Variants in GPSM1 observed in about 807,000 individuals in gnomAD.
GPSM1 encodes G protein-signaling modulator 1.
Under a neutral mutation model 70.5 loss-of-function variants are expected in GPSM1, and 48 were observed. That is an observed-to-expected ratio of 0.68 (90% CI 0.54 to 0.87). The LOEUF (loss-of-function observed/expected upper bound fraction) is 0.87. Ranked by LOEUF, GPSM1 falls within the 40% of genes least tolerant of loss-of-function variation. GPSM1 has a pLI of 0.00. For missense variants in GPSM1, 981 were observed against 972.6 expected (o/e 1.01, Z -0.11); for synonymous variants, 416 against 430.1 (o/e 0.97, Z 0.41).
In GPSM1 at chr9:136,342,612, G is replaced by A. The variant is rs1401582346; in HGVS notation, c.1207+1619G>A. Among the ~76,000 whole-genome samples, 1 of 152,182 alleles carries A rather than the reference G, an allele frequency of 6.6e-6. No homozygotes were observed. Among genetic ancestry groups the A allele is most frequent in the East Asian group, 1.9e-4 (1 of 5,172 alleles). Reference sequence around the variant, plus strand: ...ACCTAGAGCCTGGGCGGCCCTGGGTGAGACCCCGGCTCAGCTGAGCCTGGC... The same window carrying A: ...ACCTAGAGCCTGGGCGGCCCTGGGTAAGACCCCGGCTCAGCTGAGCCTGGC... On this transcript the variant is annotated intron_variant, in intron 9 of 13. Transcript: ENST00000440944. This position sits in a 1 kb window ranked among gnomAD's most constrained non-coding sequence, Gnocchi z 5.5.
In GPSM1 at chr9:136,334,758, G is replaced by A. The variant is rs561235572; in HGVS notation, c.290+90G>A. 5.3e-4 allele frequency: 548 copies of A among 1,040,052 alleles called. 3 individuals are homozygous for A. In the African/African-American group the frequency reaches 7.7e-3, roughly 15 times the overall value. 64.4% of individuals were successfully genotyped at this position (1,040,052 alleles called of 1,614,324 possible). On this transcript the variant is annotated intron_variant, in intron 2 of 13. Transcript: ENST00000440944. ...GGCCCTGCTGGTGGGTGAGTGGGGCGGCCCTGCTGGCGCGGTGAGTGGGGA... is the reference window on the plus strand; with the variant it reads ...GGCCCTGCTGGTGGGTGAGTGGGGCAGCCCTGCTGGCGCGGTGAGTGGGGA...
Position 136,356,414 on chromosome 9 carries a change from G to A in GPSM1, c.1685G>A (p.Arg562Gln), listed in dbSNP as rs782372939. 1.2e-5 allele frequency: 19 copies of A among 1,610,088 alleles called. No individual in the cohort carries two copies. Among genetic ancestry groups the A allele is most frequent in the Admixed American group, 5.0e-5 (3 of 59,796 alleles). ...CTCATCGCCAGCTCCCAGAGCCGCC[G>A]GCTGGACGACCAGCGGGCCAGCGTG... The part of the protein sequence containing the change: ...FDLIASSQSR[R>Q]LDDQRASVGS... Residue 562 changes from arginine (R) to glutamine (Q), a missense_variant, in exon 13 of 14, where the codon CGG becomes CAG. Physicochemically the swap from Arg to Gln is conservative, Grantham distance 43 (BLOSUM62 1). Coordinates refer to ENST00000440944, the MANE Select transcript of GPSM1 (RefSeq NM_001145638.3).
In GPSM1 at chr9:136,358,741, G is replaced by A. The variant is rs962131601; in HGVS notation, c.*521G>A. On this transcript the variant is annotated 3_prime_UTR_variant, in exon 14 of 14. Transcript: ENST00000440944. ...CTCCAAGCCTGTCTCCCCACTCCCC[G>A]GCCAGAGGTCAGCAACCACAGAAGG... The A allele has an allele frequency of 2.3e-5, 4 of 177,588 alleles. No individual in the cohort carries two copies. The highest frequency in any genetic ancestry group is 3.5e-5 in the Non-Finnish European group (3 of 85,892). 11.0% of individuals were successfully genotyped at this position (177,588 alleles called of 1,614,324 possible).
chr9:136,356,775 C>T (rs1393984208), intron 13 of GPSM1, among the ~76,000 whole-genome samples: 1 of 152,176 alleles, frequency 6.6e-6, no homozygotes, highest in Admixed American at 6.5e-5. Flanking sequence ...CAGAGACCCC[C>T]CCTGGCAACC....
chr9:136,337,825 G>A, intron 5 of GPSM1, 21 bp from the exon 6 acceptor site: 2 of 1,571,550 alleles, frequency 1.3e-6, no homozygotes, highest in Non-Finnish European at 1.7e-6. Flanking sequence ...TGACCACCTG[G>A]CCTCCGGTGT....
At chr9:136,327,786 C>A (rs1322265342) in intron 1 of GPSM1, 23 bp downstream of exon 1, 7 of 1,050,742 alleles carry the variant, frequency 6.7e-6, no homozygotes, top group African/African-American at 5.0e-5. Flanking sequence ...GGGGCCGGGG[C>A]CGGGGCCGGG....
chr9:136,356,741 G>A (rs901998474), intron 13 of GPSM1, among the ~76,000 whole-genome samples, 191 bp downstream of exon 13: 1 of 152,126 alleles, frequency 6.6e-6, no homozygotes, highest in Non-Finnish European at 1.5e-5. Context: ...CCTACTCCTG[G>A]GAACCCCGGG....
At chr9:136,334,835 ACGGCCCTGCTGGAGCAGTGAGTGGGG>A (rs1832193792) in intron 2 of GPSM1, among the ~76,000 whole-genome samples, 167 bp downstream of exon 2, 1 of 139,962 alleles carries the variant, frequency 7.1e-6, no homozygotes, top group African/African-American at 2.7e-5. Context: ...GTGAGTGGGG[ACGGCCCTGCTGGAGCAGTGAGTGGGG>A]CGGCCCTGCT....
In GPSM1 at chr9:136,336,010, TG is replaced by T. The variant is rs782522157; in HGVS notation, c.338del (p.Gly113GlufsTer21). On this transcript the variant is annotated frameshift_variant, in exon 3 of 14. Coordinates refer to ENST00000440944, the MANE Select transcript of GPSM1 (RefSeq NM_001145638.3). LOFTEE classifies it high-confidence loss of function. ...RMGEAKASGN[L>X]GNTLKVLGRF... The stretch of plus-strand genomic sequence containing the variant: ...GGGGAGGCCAAGGCCAGTGGAAACC[TG>T]GGAAACACACTCAAGGTCCTGGGGC... 6.2e-7 allele frequency: 1 copy of T among 1,612,582 alleles called. No individual in the cohort carries two copies. Among genetic ancestry groups the T allele is most frequent in the South Asian group, 1.1e-5 (1 of 91,048 alleles).
intron 11 of GPSM1, among the ~76,000 whole-genome samples, chr9:136,354,284 C>G (rs797029201): frequency 2.6e-5 from 4 of 152,352 alleles, no homozygotes; most frequent in African/African-American, 9.6e-5. Context: ...GCCCCACTCT[C>G]CTGTGCCCTG....
rs1009640550 is a variant in GPSM1, at chr9:136,342,570, T to C, written c.1207+1577T>C. Among the ~76,000 whole-genome samples, 2 of 151,736 alleles carry C rather than the reference T, an allele frequency of 1.3e-5. No individual in the cohort carries two copies. The highest frequency in any genetic ancestry group is 2.9e-5 in the Non-Finnish European group (2 of 67,880). On this transcript the variant is annotated intron_variant, in intron 9 of 13. Transcript: ENST00000440944. This position sits in a 1 kb window ranked among gnomAD's most constrained non-coding sequence, Gnocchi z 5.5. ...TGGGGCCGCCGCCCGGCTGCCGCTG[T>C]GGGAGGCAGGCTGCACACCTAGAGC...
chr9:136,356,624 T>A, intron 13 of GPSM1, 74 bp downstream of exon 13: 1 of 1,109,870 alleles, frequency 9.0e-7, no homozygotes, highest in Non-Finnish European at 1.3e-6. Flanking sequence ...ACTTGTGTCC[T>A]GAGGGGTGAG....
rs550610675 is a variant in GPSM1 at position 136,351,247 on chromosome 9, C to T, written c.1455+1484C>T. Among the ~76,000 whole-genome samples the T allele has an allele frequency of 4.7e-3, 711 of 152,250 alleles. 8 individuals are homozygous for T. Among genetic ancestry groups the T allele is most frequent in the African/African-American group, 0.016 (665 of 41,556 alleles). ...CCCAACCATCTGGGCTAGGTCCATC[C>T]GTCCACTGATGGGAGAGGTGTGGAG... On this transcript the variant is annotated intron_variant, in intron 11 of 13. Coordinates refer to ENST00000440944, the MANE Select transcript of GPSM1 (RefSeq NM_001145638.3).
rs1300773428 is a variant in GPSM1, at chr9:136,340,442, C to G, written c.1084-428C>G. The stretch of plus-strand genomic sequence containing the variant: ...GGCTCCATGTGGCCCTCCCCCCAAC[C>G]CCATGCCACCTCTCTTCTGCTTGAC... On this transcript the variant is annotated intron_variant, in intron 8 of 13. Transcript: ENST00000440944. This position sits in a 1 kb window ranked among gnomAD's most constrained non-coding sequence, Gnocchi z 7.3. Among the ~76,000 whole-genome samples the G allele has an allele frequency of 2.0e-5, 3 of 151,976 alleles. No individual in the cohort carries two copies. Among genetic ancestry groups the G allele is most frequent in the Non-Finnish European group, 4.4e-5 (3 of 67,978 alleles).
rs1554769341 is a variant in GPSM1 at position 136,336,966 on chromosome 9, G to A, written c.472G>A (p.Ala158Thr). The A allele has an allele frequency of 1.5e-5, 23 of 1,557,204 alleles. No individual in the cohort carries two copies. Among genetic ancestry groups the A allele is most frequent in the Middle Eastern group, 1.7e-4 (1 of 5,998 alleles). ...ALYNIGNVYH[A>T]KGKQLSWNAA... ...CTACAACATCGGGAACGTGTACCAC[G>A]CCAAAGGCAAGCAACTGTCCTGGAA... Residue 158 changes from alanine to threonine, a missense_variant, in exon 4 of 14, where the codon GCC (alanine) becomes ACC (threonine). By Grantham distance (58) the Ala-to-Thr change is moderately conservative. Coordinates refer to ENST00000440944, the MANE Select transcript of GPSM1 (RefSeq NM_001145638.3).
At position 136,343,432 on chromosome 9, in the gene GPSM1, G is replaced by A. The variant is rs1039424458; in HGVS notation, c.1207+2439G>A. ...TGCCTGTCCCACAGGATGTGCGACTGCCCTCGGCCCTGCTGACCGTACTTC... is the reference window on the plus strand; with the variant it reads ...TGCCTGTCCCACAGGATGTGCGACTACCCTCGGCCCTGCTGACCGTACTTC... On this transcript the variant is annotated intron_variant, in intron 9 of 13. Transcript: ENST00000440944. This position sits in a 1 kb window ranked among gnomAD's most constrained non-coding sequence, Gnocchi z 6.0. 6.6e-6 allele frequency among the ~76,000 whole-genome samples: 1 copy of A among 152,250 alleles called. No homozygotes were observed. The highest frequency in any genetic ancestry group is 1.5e-5 in the Non-Finnish European group (1 of 68,042).
In GPSM1 at chr9:136,348,772, G is replaced by C. The variant is rs782679160; in HGVS notation, c.1278+5G>C. The C allele has an allele frequency of 6.2e-7, 1 of 1,607,150 alleles. No individual in the cohort carries two copies. The highest frequency in any genetic ancestry group is 8.5e-7 in the Non-Finnish European group (1 of 1,175,248). ...CTGAGACTCCCCCTGGAGCGGGTGA[G>C]CCAGGGACACGGGACCGATGTCAGC... On this transcript the variant is annotated splice_donor_5th_base_variant and intron_variant, in intron 10 of 13. Coordinates refer to ENST00000440944, the MANE Select transcript of GPSM1 (RefSeq NM_001145638.3).
chr9:136,357,457 G>A (rs1407675952), intron 13 of GPSM1, among the ~76,000 whole-genome samples: 2 of 152,192 alleles, frequency 1.3e-5, no homozygotes, highest in African/African-American at 2.4e-5. Context: ...CCTGCTCCAG[G>A]CGCTTCAGAG....
intron 7 of GPSM1, 142 bp from the exon 8 acceptor site, chr9:136,339,565 C>T (rs968541069): frequency 5.5e-5 from 34 of 616,052 alleles, no homozygotes; most frequent in East Asian, 8.3e-5. Context: ...TCCTGTCATC[C>T]GGCCAATGCC....
Sources: allele counts gnomAD v4.1 joint callset (sites outside exome capture counted in the v4.1 genomes callset), GRCh38; gene constraint gnomAD v4.1.1; non-coding constraint Gnocchi (gnomAD v3.1); transcripts MANE v1.5; gene names NCBI Gene and HGNC (gene_info 2026-07-23, HGNC 2026-07-21).